UTP20: variants seen among roughly 807,000 people sequenced by gnomAD.
The protein encoded by UTP20 is small subunit processome component 20 homolog.
Under a neutral mutation model 329.5 loss-of-function variants are expected in UTP20, and 164 were observed. The observed-to-expected ratio is 0.50, with a 90% CI of 0.44 to 0.57. UTP20 has a LOEUF of 0.57. UTP20 is among the 20% of genes least tolerant of loss of function. UTP20 has a pLI of 0.00. For synonymous variants in UTP20, 1,151 were observed against 1,159.3 expected, an observed-to-expected ratio of 0.99 and a Z score of 0.14; for missense variants, 3,055 against 3,284.2, an observed-to-expected ratio of 0.93 and a Z score of 1.71.
rs139707653 is a variant in UTP20 at position 101,341,690 on chromosome 12, A to G, written c.4102-756A>G. Among the ~76,000 whole-genome samples the G allele has an allele frequency of 5.8e-3, 879 of 152,298 alleles. 8 individuals are homozygous for G. Among genetic ancestry groups the G allele is most frequent in the African/African-American group, 0.02 (845 of 41,564 alleles). On this transcript the variant is annotated intron_variant, in intron 32 of 61. Transcript: ENST00000261637. ...GGGAGGCCAAGGCAGGCAGATCACG[A>G]GGTCAGGAGTTCAAGACCAGGGTGG...
chr12:101,344,792 G>A, intron 36 of UTP20, 42 bp downstream of exon 36: 2 of 1,569,448 alleles, frequency 1.3e-6, no homozygotes, highest in Non-Finnish European at 1.7e-6. Context: ...CTGAGGCTGT[G>A]TTTTGTTTTG....
Position 101,371,078 on chromosome 12 carries a change from G to C in UTP20, c.6708G>C (p.Leu2236=), listed in dbSNP as rs767956048. ...GLLKAILSRK[L]LVPEIDEVMR... ...CTTAGGCAATTTTATCAAGAAAGCT[G>C]TTGGTCCCAGAAATCGATGAGGTCA... The change falls in exon 51 of 62, where the codon CTG becomes CTC. Residue 2236 remains leucine, a synonymous_variant. Coordinates refer to ENST00000261637, the MANE Select transcript of UTP20 (RefSeq NM_014503.3). The C allele has an allele frequency of 1.2e-6, 2 of 1,613,958 alleles. No individual in the cohort carries two copies. Among genetic ancestry groups the C allele is most frequent in the Non-Finnish European group, 1.7e-6 (2 of 1,179,944 alleles).
At chr12:101,370,389 T>C in intron 49 of UTP20, 43 bp from the exon 50 acceptor site, 1 of 1,591,854 alleles carries the variant, frequency 6.3e-7, no homozygotes, top group African/African-American at 1.3e-5. Flanking sequence ...GGATCCCAAC[T>C]GTGGGATGTG....
intron 8 of UTP20, chr12:101,291,161 T>C (rs1872133782): frequency 3.5e-6 from 1 of 289,690 alleles, no homozygotes; most frequent in Non-Finnish European, 6.3e-6. Flanking sequence ...GGGAAAATTA[T>C]TTGAAATCTC....
chr12:101,340,238 AGTTCACTCTAACCCACCTATTCACCT>A (rs1869076745), intron 31 of UTP20, among the ~76,000 whole-genome samples: 3 of 152,198 alleles, frequency 2.0e-5, no homozygotes, highest in Admixed American at 2.0e-4. Flanking sequence ...ACCAGACTGG[AGTTCACTCTAACCCACCTATTCACCT>A]GTTCACTCTA....
At position 101,298,356 on chromosome 12, in the gene UTP20, T is replaced by A. The variant is rs928008134; in HGVS notation, c.1431-1326T>A. On this transcript the variant is annotated intron_variant, in intron 12 of 61. Transcript: ENST00000261637. ...CACTTTCCAGAGAGGGAACGTTTGGTCCAATTTTAAGCTGGGAAGGATCCA... is the reference window on the plus strand; with the variant it reads ...CACTTTCCAGAGAGGGAACGTTTGGACCAATTTTAAGCTGGGAAGGATCCA... 2.0e-5 allele frequency among the ~76,000 whole-genome samples: 3 copies of A among 152,090 alleles called. No individual in the cohort carries two copies. In the South Asian group the frequency reaches 6.2e-4, roughly 32 times the overall value.
intron 15 of UTP20, 133 bp from the exon 16 acceptor site, chr12:101,305,782 A>T: frequency 9.8e-7 from 1 of 1,021,274 alleles, no homozygotes; most frequent in East Asian, 2.9e-5. Context: ...AGTGAGCCAG[A>T]TATCCACGTG....
intron 58 of UTP20, among the ~76,000 whole-genome samples, 167 bp downstream of exon 58, chr12:101,381,378 CA>C (rs1159093187): frequency 6.6e-6 from 1 of 151,896 alleles, no homozygotes; most frequent in East Asian, 1.9e-4. Context: ...ACTAAAAATA[CA>C]AAAAAATTAG....
chr12:101,300,891 T>G (rs552631299), intron 14 of UTP20, among the ~76,000 whole-genome samples: 15 of 152,130 alleles, frequency 9.9e-5, no homozygotes, highest in Non-Finnish European at 1.6e-4. Context: ...GGACAAGTAT[T>G]TTTACCATTG....
intron 21 of UTP20, among the ~76,000 whole-genome samples, chr12:101,313,051 G>A (rs1405611318): frequency 6.6e-6 from 1 of 152,134 alleles, no homozygotes; most frequent in Non-Finnish European, 1.5e-5. Flanking sequence ...GCCTCTTGAT[G>A]TTTCTGCCTA....
chr12:101,286,955 T>A (rs1871979102), intron 5 of UTP20, among the ~76,000 whole-genome samples: 1 of 152,184 alleles, frequency 6.6e-6, no homozygotes, highest in Non-Finnish European at 1.5e-5. Context: ...CCACTAATAC[T>A]TACTAAGGTG....
intron 22 of UTP20, among the ~76,000 whole-genome samples, chr12:101,318,872 T>A (rs1873061192): frequency 6.9e-6 from 1 of 145,220 alleles, no homozygotes; most frequent in African/African-American, 2.5e-5. Flanking sequence ...GGCTCTCTGA[T>A]GCTGAAAGAT....
At chr12:101,288,168 A>T (rs1259182427) in intron 5 of UTP20, among the ~76,000 whole-genome samples, 1 of 152,142 alleles carries the variant, frequency 6.6e-6, no homozygotes, top group Non-Finnish European at 1.5e-5. Flanking sequence ...TTTATCCTGT[A>T]TATTGCTGCC....
chr12:101,294,204 T>A (rs1434932907), intron 11 of UTP20, among the ~76,000 whole-genome samples: 3 of 152,002 alleles, frequency 2.0e-5, no homozygotes, highest in Non-Finnish European at 4.4e-5. Context: ...CCTGGCTGAT[T>A]TTTTGTATTT....
At chr12:101,380,889 T>A (rs1204897198) in intron 57 of UTP20, among the ~76,000 whole-genome samples, 34 of 139,936 alleles carry the variant, frequency 2.4e-4, no homozygotes, top group African/African-American at 8.1e-4. Context: ...AAAAAAAATG[T>A]AGAGTATTAT....
rs113415071 is a variant in UTP20, at chr12:101,343,610, A to G, written c.4449+517A>G. ...ACTGCAGCCTCTGCTGCCAGGTTCA[A>G]CCAATTCTCCCACCTCAGCCTCCCG... On this transcript the variant is annotated intron_variant, in intron 35 of 61. Coordinates refer to ENST00000261637, the MANE Select transcript of UTP20 (RefSeq NM_014503.3). 5.1e-3 allele frequency among the ~76,000 whole-genome samples: 771 copies of G among 152,298 alleles called. 5 individuals are homozygous for G. Among genetic ancestry groups the G allele is most frequent in the Non-Finnish European group, 6.8e-3 (465 of 68,032 alleles).
chr12:101,323,786 A>G (rs1453445497), intron 25 of UTP20, among the ~76,000 whole-genome samples: 2 of 152,198 alleles, frequency 1.3e-5, no homozygotes, highest in Non-Finnish European at 2.9e-5. Flanking sequence ...GATTAAACCT[A>G]ATTTCTTTCC....
At chr12:101,333,235 C>T (rs1433951484) in intron 27 of UTP20, 66 bp from the exon 28 acceptor site, 35 of 1,515,134 alleles carry the variant, frequency 2.3e-5, no homozygotes, top group African/African-American at 1.4e-5. Flanking sequence ...AAGAGTGCCT[C>T]TCTGAGGAAT....
At chr12:101,301,082 G>A (rs189045500) in intron 14 of UTP20, among the ~76,000 whole-genome samples, 1 of 152,208 alleles carries the variant, frequency 6.6e-6, no homozygotes, top group Non-Finnish European at 1.5e-5. Context: ...CCTTCAAAAT[G>A]TAAAAAACAT....
Sources: gnomAD v4.1 joint callset for allele counts (sites outside exome capture counted in the v4.1 genomes callset) on GRCh38, gnomAD v4.1.1 for gene constraint, MANE v1.5 for transcripts, NCBI Gene and HGNC (gene_info 2026-07-23, HGNC 2026-07-21) for gene names.